CYLD: variants seen among roughly 807,000 people sequenced by gnomAD.
CYLD encodes the protein CYLD lysine 63 deubiquitinase.
In CYLD, 26 loss-of-function variants were observed where a neutral mutation model predicts 104.5. That is an observed-to-expected ratio of 0.25 (90% CI 0.18 to 0.35). The LOEUF is 0.35. Among genes scored for constraint, CYLD ranks in the 10% least tolerant of loss-of-function variants. The probability of loss-of-function intolerance (pLI) is 1.00; values close to 1 mark genes in which losing one functional copy is unlikely to be tolerated. For synonymous variants in CYLD, 385 were observed against 399.9 expected (o/e 0.96, Z 0.45); for missense variants, 703 against 1,136.1 (o/e 0.62, Z 5.48).
intron 16 of CYLD, among the ~76,000 whole-genome samples, chr16:50,793,147 C>T (rs1287138158): frequency 1.3e-5 from 2 of 149,330 alleles, no homozygotes; most frequent in African/African-American, 5.1e-5. Context: ...CACACACACA[C>T]ATGCATATAT....
At chr16:50,765,958 G>C (rs1592639) in intron 5 of CYLD, among the ~76,000 whole-genome samples, 1 of 152,150 alleles carries the variant, frequency 6.6e-6, no homozygotes, top group Non-Finnish European at 1.5e-5. Context: ...AAAAGTGCAA[G>C]ATGAAGCAGC....
At chr16:50,748,146 A>G (rs937724272) in intron 2 of CYLD, among the ~76,000 whole-genome samples, 10 of 152,228 alleles carry the variant, frequency 6.6e-5, no homozygotes, top group Non-Finnish European at 1.5e-5. Context: ...ATTACCCAGA[A>G]TAATGGAAAT....
rs1339749808 is a variant in CYLD, at chr16:50,782,322, C to T, written c.1685-3C>T. On this transcript the variant is annotated splice_region_variant and splice_polypyrimidine_tract_variant and intron_variant, in intron 10 of 18. Transcript: ENST00000427738. ...TTTACTTTTTTTAAAAAAATCTTTTCAGCATTTGGAGGCTACTTAAGTGAA... is the reference window on the plus strand; with the variant it reads ...TTTACTTTTTTTAAAAAAATCTTTTTAGCATTTGGAGGCTACTTAAGTGAA... The T allele has an allele frequency of 2.5e-6, 4 of 1,593,030 alleles. No individual in the cohort carries two copies. The highest frequency in any genetic ancestry group is 1.1e-5 in the South Asian group (1 of 88,646).
intron 4 of CYLD, among the ~76,000 whole-genome samples, chr16:50,753,508 C>T (rs1257383134): frequency 6.6e-6 from 1 of 152,224 alleles, no homozygotes; most frequent in Non-Finnish European, 1.5e-5. Flanking sequence ...TCTCTCCTTG[C>T]CTCCATCTGT....
chr16:50,778,491 T>C (rs1567445379), intron 8 of CYLD, among the ~76,000 whole-genome samples: 2 of 152,168 alleles, frequency 1.3e-5, no homozygotes, highest in Non-Finnish European at 1.5e-5. Context: ...GCAGTGAAGG[T>C]GCATGATGCT....
At position 50,793,565 on chromosome 16, in the gene CYLD, A is replaced by T. The variant is rs1234992718; in HGVS notation, c.2370A>T (p.Ile790=). ...TTTCAGCTCCCAGACAGTGCCGGAT[A>T]TGTGGAGGGCTTGCAATGTATGAGT... ...LLEDTPRQCR[I]CGGLAMYECR... is the part of the protein sequence containing the mutation. Residue 790 remains isoleucine (I), a synonymous_variant, in exon 17 of 19, where the codon ATA becomes ATT. Transcript: ENST00000427738. 1.2e-6 allele frequency: 2 copies of T among 1,612,994 alleles called. No individual in the cohort carries two copies. Among genetic ancestry groups the T allele is most frequent in the Non-Finnish European group, 1.7e-6 (2 of 1,179,050 alleles).
chr16:50,759,329 G>A (rs544945020), intron 5 of CYLD, among the ~76,000 whole-genome samples: 95 of 152,258 alleles, frequency 6.2e-4, no homozygotes, highest in South Asian at 1.0e-3. Context: ...TCATGAAACT[G>A]ACCATCTAGG....
intron 14 of CYLD, 61 bp from the exon 15 acceptor site, chr16:50,791,497 C>T: frequency 6.3e-6 from 10 of 1,585,258 alleles, no homozygotes; most frequent in Non-Finnish European, 8.7e-6. Flanking sequence ...GACAACTTAA[C>T]ATTTTGATTT....
At chr16:50,783,886 G>A (rs984555257) in intron 11 of CYLD, 4 of 192,292 alleles carry the variant, frequency 2.1e-5, no homozygotes, top group African/African-American at 9.4e-5. Flanking sequence ...ATTTATTAAT[G>A]TAATAGATCT....
intron 4 of CYLD, among the ~76,000 whole-genome samples, chr16:50,753,496 C>G (rs1484696074): frequency 6.6e-6 from 1 of 152,222 alleles, no homozygotes; most frequent in Non-Finnish European, 1.5e-5. Context: ...GCCCTGCCAG[C>G]TTCTCTCCTT....
At chr16:50,779,051 T>G (rs747140583) in intron 8 of CYLD, among the ~76,000 whole-genome samples, 18 of 152,244 alleles carry the variant, frequency 1.2e-4, no homozygotes, top group Non-Finnish European at 2.1e-4. Context: ...TTTGAACTTC[T>G]TATTGTATGT....
chr16:50,778,056 C>G, intron 8 of CYLD, 115 bp downstream of exon 8: 1 of 673,938 alleles, frequency 1.5e-6, no homozygotes, highest in Non-Finnish European at 2.7e-6. Context: ...GTAGACCGCT[C>G]TTTGTAATAT....
intron 5 of CYLD, among the ~76,000 whole-genome samples, chr16:50,765,628 A>G (rs1469926044): frequency 6.6e-6 from 1 of 152,216 alleles, no homozygotes; most frequent in Non-Finnish European, 1.5e-5. Context: ...GAGACTGAAA[A>G]CTAGGCCTCT....
At position 50,796,575 on chromosome 16, in the gene CYLD, G is replaced by A; in HGVS notation, c.*67G>A. 1 of 1,530,570 alleles carries A rather than the reference G, an allele frequency of 6.5e-7. No individual in the cohort carries two copies. The highest frequency in any genetic ancestry group is 9.0e-7 in the Non-Finnish European group (1 of 1,115,446). 94.8% of individuals were successfully genotyped at this position (1,530,570 alleles called of 1,614,324 possible). The stretch of plus-strand genomic sequence containing the variant: ...CTAACGTTGCATCTTATTCGAGCTG[G>A]CAGTTCTGTTCACGTCCATTGCCGG... On this transcript the variant is annotated 3_prime_UTR_variant, in exon 19 of 19. Coordinates refer to ENST00000427738, the MANE Select transcript of CYLD (RefSeq NM_001378743.1).
At chr16:50,743,985 T>A (rs1404383768) in intron 2 of CYLD, among the ~76,000 whole-genome samples, 1 of 152,220 alleles carries the variant, frequency 6.6e-6, no homozygotes. Context: ...GCAATTTTGT[T>A]TTCACTGTTA....
chr16:50,783,903 AG>A (rs1970541239), intron 11 of CYLD: 1 of 202,008 alleles, frequency 5.0e-6, no homozygotes, highest in Non-Finnish European at 1.0e-5. Context: ...ATCTTTGCAA[AG>A]GGGCATGGGG....
Position 50,800,848 on chromosome 16 carries a change from A to G in CYLD, c.*4340A>G, listed in dbSNP as rs963241511. ...TTGGTGCAATTCTCCATTAATGAAG[A>G]TAACATTTGAATTCCCCAAAGCAGG... On this transcript the variant is annotated 3_prime_UTR_variant, in exon 19 of 19. Transcript: ENST00000427738. 4.3e-6 allele frequency: 1 copy of G among 233,254 alleles called. No individual in the cohort carries two copies. Among genetic ancestry groups the G allele is most frequent in the Admixed American group, 5.6e-5 (1 of 17,784 alleles). The allele number at this position is 233,254 out of a possible 1,614,324, so 14.4% of individuals were successfully genotyped here. A position where few individuals can be genotyped will look rare whatever the true frequency, so the allele number is the denominator to read the frequency against.
At chr16:50,766,623 A>G (rs1427560650) in intron 5 of CYLD, among the ~76,000 whole-genome samples, 1 of 152,238 alleles carries the variant, frequency 6.6e-6, no homozygotes, top group Non-Finnish European at 1.5e-5. Flanking sequence ...TCACCATTCT[A>G]GATGCCATCA....
intron 2 of CYLD, among the ~76,000 whole-genome samples, chr16:50,745,326 G>C (rs1347179026): frequency 6.8e-6 from 1 of 147,962 alleles, no homozygotes; most frequent in African/African-American, 2.5e-5. Flanking sequence ...GATTGATGTT[G>C]GGTTTTTTTT....
Sources: allele counts gnomAD v4.1 joint callset (sites outside exome capture counted in the v4.1 genomes callset), GRCh38; gene constraint gnomAD v4.1.1; transcripts MANE v1.5; gene names NCBI Gene and HGNC (gene_info 2026-07-23, HGNC 2026-07-21).